Variants in ARSB observed in about 807,000 individuals in gnomAD.
The protein encoded by ARSB is N-acetylgalactosamine-4-sulfatase.
Under a neutral mutation model 50.9 loss-of-function variants are expected in ARSB, and 41 were observed. The observed-to-expected ratio is 0.81, with a 90% CI of 0.63 to 1.04. The LOEUF is 1.04. Ranked by LOEUF, ARSB falls within the 50% of genes least tolerant of loss-of-function variation. ARSB has a pLI of 0.00. For missense variants in ARSB, 672 were observed against 693.3 expected, an observed-to-expected ratio of 0.97 and a Z score of 0.35; for synonymous variants, 269 against 284.8, an observed-to-expected ratio of 0.94 and a Z score of 0.56.
rs145170453 is a variant in ARSB, at chr5:78,973,735, C to T, written c.313-4543G>A. ...AGCTACACTCAAACTCTCCCAAGAG[C>T]GAAGCAAACCACTGCTGCACAGAAG... On this transcript the variant is annotated intron_variant, in intron 1 of 7. Transcript: ENST00000264914. Among the ~76,000 whole-genome samples, 856 of 152,272 alleles carry T rather than the reference C, an allele frequency of 5.6e-3. 4 individuals carry two copies. The highest frequency in any genetic ancestry group is 0.02 in the African/African-American group (813 of 41,570).
At chr5:78,965,897 T>C (rs1380890131) in intron 2 of ARSB, among the ~76,000 whole-genome samples, 1 of 152,216 alleles carries the variant, frequency 6.6e-6, no homozygotes, top group African/African-American at 2.4e-5. Context: ...ATAACTTTTA[T>C]ATGGCAATCT....
At chr5:78,913,451 A>G (rs1044745818) in intron 4 of ARSB, among the ~76,000 whole-genome samples, 1 of 152,214 alleles carries the variant, frequency 6.6e-6, no homozygotes, top group Non-Finnish European at 1.5e-5. Context: ...TTCATAAAGT[A>G]GGCCAAGTTA....
At chr5:78,800,129 C>T (rs1743329069) in intron 6 of ARSB, among the ~76,000 whole-genome samples, 2 of 151,946 alleles carry the variant, frequency 1.3e-5, no homozygotes, top group South Asian at 2.1e-4. Context: ...ACTAGCCTGG[C>T]CAACATGGTA....
rs192788909 is a variant in ARSB at position 78,895,103 on chromosome 5, G to C, written c.899-9276C>G. On this transcript the variant is annotated intron_variant, in intron 4 of 7. Coordinates refer to ENST00000264914, the MANE Select transcript of ARSB (RefSeq NM_000046.5). ...CCTGAGTTACCACAATAGGCACCAC[G>C]AAGTCCATGCAATTAGAGACTAACT... 6.4e-3 allele frequency among the ~76,000 whole-genome samples: 972 copies of C among 152,278 alleles called. 6 individuals are homozygous for C. Among genetic ancestry groups the C allele is most frequent in the Non-Finnish European group, 9.2e-3 (625 of 68,008 alleles).
At chr5:78,976,753 TTAGTGTATAA>T (rs1487020141) in intron 1 of ARSB, among the ~76,000 whole-genome samples, 3 of 152,234 alleles carry the variant, frequency 2.0e-5, no homozygotes, top group Non-Finnish European at 4.4e-5. Flanking sequence ...GAAATGTTCT[TTAGTGTATAA>T]TAGCCTCAAT....
At chr5:78,786,480 T>G (rs1749083562) in intron 6 of ARSB, among the ~76,000 whole-genome samples, 1 of 152,240 alleles carries the variant, frequency 6.6e-6, no homozygotes, top group Admixed American at 6.5e-5. Context: ...CATGTACAAT[T>G]TCAGTGTGGA....
intron 5 of ARSB, among the ~76,000 whole-genome samples, chr5:78,878,029 T>G (rs1747568112): frequency 6.6e-6 from 1 of 151,770 alleles, no homozygotes; most frequent in Admixed American, 6.6e-5. Context: ...GAGAAAAAAA[T>G]CAAAAACCTT....
chr5:78,787,138 A>ATC (rs3035252), intron 6 of ARSB, among the ~76,000 whole-genome samples: 22,836 of 112,184 alleles, frequency 0.2, 1,998 homozygotes, highest in Non-Finnish European at 0.26. Context: ...ATCTATCTAT[A>ATC]TAGATACAGG....
chr5:78,784,772 G>A (rs1293350190), intron 6 of ARSB, among the ~76,000 whole-genome samples: 1 of 146,742 alleles, frequency 6.8e-6, no homozygotes, highest in Non-Finnish European at 1.5e-5. Flanking sequence ...GATACGTTTT[G>A]CTAGTGTTTA....
intron 4 of ARSB, among the ~76,000 whole-genome samples, chr5:78,945,769 C>T (rs1180981752): frequency 6.6e-6 from 1 of 152,166 alleles, no homozygotes; most frequent in Non-Finnish European, 1.5e-5. Flanking sequence ...ACTGCTCTCC[C>T]AACCTCCCTG....
At chr5:78,900,168 G>A (rs1009846913) in intron 4 of ARSB, among the ~76,000 whole-genome samples, 1 of 152,030 alleles carries the variant, frequency 6.6e-6, no homozygotes, top group African/African-American at 2.4e-5. Context: ...ACTGGCTAGG[G>A]GTTCCTGCCC....
chr5:78,926,326 G>A (rs1337670217), intron 4 of ARSB, among the ~76,000 whole-genome samples: 2 of 152,146 alleles, frequency 1.3e-5, no homozygotes, highest in African/African-American at 4.8e-5. Context: ...CCATTATGTT[G>A]CATTCTGCAT....
intron 6 of ARSB, among the ~76,000 whole-genome samples, chr5:78,828,352 G>T (rs1330890055): frequency 1.3e-5 from 2 of 152,150 alleles, no homozygotes; most frequent in Non-Finnish European, 2.9e-5. Context: ...TCCTTAGTGT[G>T]ACATATTGTC....
intron 5 of ARSB, among the ~76,000 whole-genome samples, chr5:78,857,590 G>T (rs1746215735): frequency 6.6e-6 from 1 of 152,048 alleles, no homozygotes; most frequent in South Asian, 2.1e-4. Flanking sequence ...CAAATACTTG[G>T]GCTCCAGGCT....
chr5:78,909,176 A>C (rs111766264), intron 4 of ARSB, among the ~76,000 whole-genome samples: 1 of 152,220 alleles, frequency 6.6e-6, no homozygotes, highest in African/African-American at 2.4e-5. Flanking sequence ...ACTTAGGACC[A>C]TGTGCCCTTA....
intron 6 of ARSB, among the ~76,000 whole-genome samples, chr5:78,829,709 A>G (rs2112692235): frequency 6.6e-6 from 1 of 152,342 alleles, no homozygotes; most frequent in African/African-American, 2.4e-5. Context: ...GTTTTATTTC[A>G]GCCTTATACA....
Position 78,870,084 on chromosome 5 carries a change from G to A in ARSB, c.1142+15500C>T, listed in dbSNP as rs369649883. ...TCTAGAAGAAATGGATACATTCCTC[G>A]ACACATACACTCTCCCAAGACTAAA... On this transcript the variant is annotated intron_variant, in intron 5 of 7. Transcript: ENST00000264914. Among the ~76,000 whole-genome samples the A allele has an allele frequency of 3.0e-5, 4 of 131,522 alleles. No individual in the cohort carries two copies. In the South Asian group the frequency reaches 8.1e-4, roughly 27 times the overall value. 86.3% of individuals were successfully genotyped at this position (131,522 alleles called of 152,430 possible).
At chr5:78,878,017 T>C (rs1486110683) in intron 5 of ARSB, among the ~76,000 whole-genome samples, 1 of 152,074 alleles carries the variant, frequency 6.6e-6, no homozygotes, top group Non-Finnish European at 1.5e-5. Flanking sequence ...AGATCAGACA[T>C]TGAGAAAAAA....
chr5:78,966,335 A>G (rs1405841583), intron 2 of ARSB, among the ~76,000 whole-genome samples: 1 of 152,260 alleles, frequency 6.6e-6, no homozygotes, highest in African/African-American at 2.4e-5. Flanking sequence ...GAGCCTAAAG[A>G]TGATGGCAGC....
Sources: gnomAD v4.1 joint callset for allele counts (sites outside exome capture counted in the v4.1 genomes callset) on GRCh38, gnomAD v4.1.1 for gene constraint, MANE v1.5 for transcripts, NCBI Gene and HGNC (gene_info 2026-07-23, HGNC 2026-07-21) for gene names.